CORO2A: variants seen among roughly 807,000 people sequenced by gnomAD.
CORO2A encodes coronin 2A.
A neutral mutation model predicts 62.4 loss-of-function variants in CORO2A; 47 were observed. The observed-to-expected ratio is 0.75, with a 90% CI of 0.60 to 0.96. The LOEUF is 0.96. Ranked by LOEUF, CORO2A falls within the 40% of genes least tolerant of loss-of-function variation. CORO2A has a pLI of 0.00. For synonymous variants in CORO2A, 273 were observed against 268.9 expected (o/e 1.02, Z -0.15); for missense variants, 610 against 684.1 (o/e 0.89, Z 1.21).
At chr9:98,162,030 G>A (rs534008349) in intron 1 of CORO2A, among the ~76,000 whole-genome samples, 1 of 152,298 alleles carries the variant, frequency 6.6e-6, no homozygotes, top group South Asian at 2.1e-4. Context: ...TGGTTTTTGA[G>A]TGCTTACAAG....
At chr9:98,174,907 C>T (rs930649205) in intron 1 of CORO2A, among the ~76,000 whole-genome samples, 1 of 151,946 alleles carries the variant, frequency 6.6e-6, no homozygotes, top group African/African-American at 2.4e-5. Context: ...CGTCATGCCA[C>T]GGAATTGTAT....
At chr9:98,178,453 C>T (rs575571568) in intron 1 of CORO2A, among the ~76,000 whole-genome samples, 66 of 152,320 alleles carry the variant, frequency 4.3e-4, no homozygotes, top group African/African-American at 1.5e-3. Flanking sequence ...ATTCTGTAAG[C>T]GCTAGTTAGC....
In CORO2A at chr9:98,152,283, GATTTT is replaced by G. The variant is rs542989887; in HGVS notation, c.201+5172_201+5176del. On this transcript the variant is annotated intron_variant, in intron 2 of 11. Coordinates refer to ENST00000375077, the MANE Select transcript of CORO2A (RefSeq NM_052820.4). ...GGCCATGACCTTTTATCTTATTCCT[GATTTT>G]ATTTTATTTTATTTATTTTGAGACA... is the stretch of plus-strand genomic sequence containing the variant. 5.4e-4 allele frequency among the ~76,000 whole-genome samples: 82 copies of G among 151,882 alleles called. 2 individuals are homozygous for G. In the South Asian group the frequency reaches 0.014, roughly 26 times the overall value.
chr9:98,161,563 T>G (rs949925256), intron 1 of CORO2A, among the ~76,000 whole-genome samples: 2 of 151,974 alleles, frequency 1.3e-5, no homozygotes, highest in Non-Finnish European at 2.9e-5. Context: ...CAAAAATAAT[T>G]AATAATAATT....
At chr9:98,176,094 T>C (rs1828105548) in intron 1 of CORO2A, among the ~76,000 whole-genome samples, 1 of 152,122 alleles carries the variant, frequency 6.6e-6, no homozygotes, top group African/African-American at 2.4e-5. Context: ...TTATTTTTCC[T>C]CAAAGCGGCA....
At position 98,156,878 on chromosome 9, in the gene CORO2A, C is replaced by T. The variant is rs370569979; in HGVS notation, c.201+582G>A. Among the ~76,000 whole-genome samples the T allele has an allele frequency of 3.9e-5, 6 of 152,316 alleles. No individual in the cohort carries two copies. The East Asian group carries it at 1.2e-3, about 29-fold the overall frequency. On this transcript the variant is annotated intron_variant, in intron 2 of 11. Transcript: ENST00000375077. The stretch of plus-strand genomic sequence containing the variant: ...CTACTAACCTGGGATCCCTCTAGCC[C>T]CTTCAGGTGTTCTGCCTTAAGGTAG...
chr9:98,165,751 CA>C (rs1414560978), intron 1 of CORO2A, among the ~76,000 whole-genome samples: 1 of 152,224 alleles, frequency 6.6e-6, no homozygotes, highest in Non-Finnish European at 1.5e-5. Context: ...GCAAGGATAA[CA>C]GAAACACATA....
intron 11 of CORO2A, 121 bp downstream of exon 11, chr9:98,126,428 G>T: frequency 1.5e-6 from 2 of 1,328,052 alleles, no homozygotes; most frequent in Non-Finnish European, 2.1e-6. Context: ...AAGTGACTAG[G>T]CCAGGCCACA....
intron 2 of CORO2A, among the ~76,000 whole-genome samples, chr9:98,147,501 A>G (rs899430552): frequency 1.3e-5 from 2 of 152,204 alleles, no homozygotes; most frequent in Non-Finnish European, 2.9e-5. Flanking sequence ...AGATTTTTCC[A>G]TAATTATGAA....
At position 98,166,996 on chromosome 9, in the gene CORO2A, C is replaced by T. The variant is rs577852608; in HGVS notation, c.1-9336G>A. 7.3e-5 allele frequency among the ~76,000 whole-genome samples: 11 copies of T among 150,618 alleles called. No homozygotes were observed. In the East Asian group the frequency reaches 7.8e-4, roughly 11 times the overall value. Reference sequence around the variant, plus strand: ...GCACACACCTGTAGTCCCAGCTACTCGGGAGGTCAAGGTGGGAGGATCACT... The same window carrying T: ...GCACACACCTGTAGTCCCAGCTACTTGGGAGGTCAAGGTGGGAGGATCACT... On this transcript the variant is annotated intron_variant, in intron 1 of 11. Transcript: ENST00000375077.
chr9:98,132,609 C>A (rs1286777780), intron 5 of CORO2A, among the ~76,000 whole-genome samples: 1 of 152,212 alleles, frequency 6.6e-6, no homozygotes, highest in Non-Finnish European at 1.5e-5. Context: ...TGTCACCTGG[C>A]CTGTCTTATC....
rs1254701216 is a variant in CORO2A, at chr9:98,122,167, G to T, written c.*2607C>A. 1 of 152,186 alleles carries T rather than the reference G, an allele frequency of 6.6e-6. No individual in the cohort carries two copies. Among genetic ancestry groups the T allele is most frequent in the East Asian group, 1.9e-4 (1 of 5,200 alleles). 9.4% of individuals were successfully genotyped at this position (152,186 alleles called of 1,614,324 possible). A position where few individuals can be genotyped will look rare whatever the true frequency, so the allele number is the denominator to read the frequency against. On this transcript the variant is annotated 3_prime_UTR_variant, in exon 12 of 12. Transcript: ENST00000375077. ...ACCAGGCAGGACTTAAGAGATCTGG[G>T]TTGAGTCCCAGCTCCTGTCTGGAGC...
rs148606644 is a variant in CORO2A at position 98,124,864 on chromosome 9, C to G, written c.1488G>C (p.Arg496Ser). 1 of 1,588,372 alleles carries G rather than the reference C, an allele frequency of 6.3e-7. No homozygotes were observed. The highest frequency in any genetic ancestry group is 8.6e-7 in the Non-Finnish European group (1 of 1,165,196). ...CTCGCTGGGTCAACAGCTCCCGGAG[C>G]CTTCGGATCTCCTCCTGTTGCCGGT... ...MFYRQQEEIR[R>S]LRELLTQREV... The change falls in exon 12 of 12, where the codon AGG (arginine) becomes AGC (serine). Residue 496 changes from arginine to serine, a missense_variant. Arg to Ser is a moderately radical substitution (Grantham distance 110, BLOSUM62 -1). Coordinates refer to ENST00000375077, the MANE Select transcript of CORO2A (RefSeq NM_052820.4).
chr9:98,136,238 C>T (rs1386712289), intron 3 of CORO2A, among the ~76,000 whole-genome samples: 1 of 152,234 alleles, frequency 6.6e-6, no homozygotes, highest in Non-Finnish European at 1.5e-5. Flanking sequence ...TATTTGATAT[C>T]CTGCCAGAGG....
chr9:98,164,976 CT>C (rs138119548), intron 1 of CORO2A, among the ~76,000 whole-genome samples: 6 of 149,416 alleles, frequency 4.0e-5, no homozygotes, highest in Non-Finnish European at 4.5e-5. Context: ...TGTAACAATT[CT>C]TTTTTTTTTG....
At chr9:98,179,564 T>C (rs2118928465) in intron 1 of CORO2A, among the ~76,000 whole-genome samples, 1 of 152,210 alleles carries the variant, frequency 6.6e-6, no homozygotes, top group African/African-American at 2.4e-5. Context: ...GCTTCTCAGC[T>C]GGGGATTCAA....
At chr9:98,190,594 G>A (rs974443807) in intron 1 of CORO2A, among the ~76,000 whole-genome samples, 1 of 152,154 alleles carries the variant, frequency 6.6e-6, no homozygotes, top group African/African-American at 2.4e-5. Flanking sequence ...GGTTGAATGA[G>A]ACGACGTCTG....
At chr9:98,155,472 G>A (rs936300211) in intron 2 of CORO2A, among the ~76,000 whole-genome samples, 8 of 149,074 alleles carry the variant, frequency 5.4e-5, no homozygotes, top group Non-Finnish European at 8.9e-5. Flanking sequence ...TCAGCCTCCC[G>A]AGTAGCTGGG....
intron 2 of CORO2A, among the ~76,000 whole-genome samples, chr9:98,153,122 C>T (rs577027929): frequency 9.2e-5 from 14 of 152,252 alleles, no homozygotes; most frequent in South Asian, 2.1e-4. Flanking sequence ...TATTTTGAGA[C>T]GGAGTTTTGC....
Sources: allele counts gnomAD v4.1 joint callset (sites outside exome capture counted in the v4.1 genomes callset), GRCh38; gene constraint gnomAD v4.1.1; transcripts MANE v1.5; gene names NCBI Gene and HGNC (gene_info 2026-07-23, HGNC 2026-07-21).